KCNMA1: variants seen among roughly 807,000 people sequenced by gnomAD.
KCNMA1 encodes the protein potassium calcium-activated channel subfamily M alpha 1, also known as Calcium-activated potassium channel subunit alpha-1.
Under a neutral mutation model 140.0 loss-of-function variants are expected in KCNMA1, and 29 were observed. That is an observed-to-expected ratio of 0.21 (90% CI 0.15 to 0.28). The LOEUF (loss-of-function observed/expected upper bound fraction) is 0.28, where lower values mean the gene tolerates loss of function less well. Ranked by LOEUF, KCNMA1 falls within the 10% of genes least tolerant of loss-of-function variation. The pLI is 1.00. For synonymous variants in KCNMA1, 612 were observed against 611.9 expected (o/e 1.00, Z 0.00); for missense variants, 880 against 1,602.2 (o/e 0.55, Z 7.70).
intron 1 of KCNMA1, among the ~76,000 whole-genome samples, chr10:77,623,586 C>T (rs1373410831): frequency 6.6e-6 from 1 of 151,700 alleles, no homozygotes; most frequent in African/African-American, 2.4e-5. Context: ...GTCTGTAATC[C>T]CAGTTACGTG....
chr10:77,394,997 T>C (rs1170354944), intron 2 of KCNMA1, among the ~76,000 whole-genome samples: 2 of 152,148 alleles, frequency 1.3e-5, no homozygotes, highest in East Asian at 3.9e-4. Context: ...ACGCTGAAAT[T>C]TGAATTTCAT....
intron 3 of KCNMA1, 130 bp from the exon 4 acceptor site, chr10:77,185,046 T>A (rs1037599065): frequency 1.4e-6 from 1 of 713,714 alleles, no homozygotes; most frequent in Non-Finnish European, 2.6e-6. Context: ...AAACATTTGG[T>A]CTTTCTGCCT....
chr10:76,969,300 G>GGAAGGAAGGAAGGAA (rs2075214269), intron 20 of KCNMA1, among the ~76,000 whole-genome samples: 2 of 109,288 alleles, frequency 1.8e-5, no homozygotes, highest in East Asian at 3.0e-4. Context: ...GAAGGAAGGA[G>GGAAGGAAGGAAGGAA]GGAAGGAAGG....
At chr10:76,883,653 A>C (rs1179869520), downstream of KCNMA1, among the ~76,000 whole-genome samples, 5 of 151,494 alleles carry the variant, frequency 3.3e-5, no homozygotes, top group Non-Finnish European at 7.4e-5. Context: ...CAGATAACAG[A>C]GTTCCTAACT....
At chr10:77,164,344 A>G (rs1404095269) in intron 5 of KCNMA1, among the ~76,000 whole-genome samples, 1 of 152,216 alleles carries the variant, frequency 6.6e-6, no homozygotes, top group African/African-American at 2.4e-5. Flanking sequence ...ACCAGCAGGA[A>G]GAGAGATGAC....
At chr10:77,139,877 C>T (rs1007862017) in intron 5 of KCNMA1, among the ~76,000 whole-genome samples, 1 of 151,918 alleles carries the variant, frequency 6.6e-6, no homozygotes, top group Non-Finnish European at 1.5e-5. Flanking sequence ...AGAAAATGAG[C>T]CACAACTCGC....
chr10:77,592,322 T>G (rs1461480345), intron 1 of KCNMA1, among the ~76,000 whole-genome samples: 1 of 152,058 alleles, frequency 6.6e-6, no homozygotes, highest in Non-Finnish European at 1.5e-5. Context: ...GGTGGGTACA[T>G]GCAATGTGGG....
intron 3 of KCNMA1, among the ~76,000 whole-genome samples, chr10:77,198,405 G>A (rs981112199): frequency 5.9e-5 from 9 of 151,902 alleles, no homozygotes; most frequent in Non-Finnish European, 1.2e-4. Flanking sequence ...AGTTAACCAC[G>A]CTCTCAAGTG....
At chr10:77,257,811 C>T (rs1221091941) in intron 2 of KCNMA1, among the ~76,000 whole-genome samples, 2 of 152,108 alleles carry the variant, frequency 1.3e-5, no homozygotes, top group African/African-American at 4.8e-5. Context: ...TCTTCCCTGC[C>T]AACATGTAAG....
At chr10:77,228,188 C>A (rs1218353948) in intron 3 of KCNMA1, among the ~76,000 whole-genome samples, 1 of 152,274 alleles carries the variant, frequency 6.6e-6, no homozygotes, top group Admixed American at 6.5e-5. Context: ...TGGTTTCGAA[C>A]TCCTGACCTC....
intron 1 of KCNMA1, among the ~76,000 whole-genome samples, chr10:77,469,907 G>A (rs575376264): frequency 2.3e-4 from 35 of 152,166 alleles, no homozygotes; most frequent in Non-Finnish European, 4.0e-4. Flanking sequence ...ATAGCTCCTC[G>A]GTCAGTCTTC....
intron 25 of KCNMA1, among the ~76,000 whole-genome samples, chr10:76,907,580 C>T (rs2152324085): frequency 6.6e-6 from 1 of 152,154 alleles, no homozygotes; most frequent in South Asian, 2.1e-4. Context: ...ATTCTGTCAC[C>T]CAGGCTGGAG....
intron 2 of KCNMA1, among the ~76,000 whole-genome samples, chr10:77,275,747 G>T (rs559111492): frequency 6.6e-6 from 1 of 152,186 alleles, no homozygotes; most frequent in Non-Finnish European, 1.5e-5. Flanking sequence ...CACCATCACT[G>T]CTCAGCAGGA....
chr10:77,557,888 G>A (rs2065103068), intron 1 of KCNMA1, among the ~76,000 whole-genome samples: 1 of 152,108 alleles, frequency 6.6e-6, no homozygotes, highest in Non-Finnish European at 1.5e-5. Context: ...GACCTCAGGT[G>A]ATCTGCCGGC....
chr10:77,520,948 C>T (rs1206616259), intron 1 of KCNMA1, among the ~76,000 whole-genome samples: 2 of 152,238 alleles, frequency 1.3e-5, no homozygotes, highest in Non-Finnish European at 2.9e-5. Context: ...ATTCCAAAGG[C>T]TCAGCTGCAG....
chr10:77,061,809 A>C (rs2131215), intron 14 of KCNMA1, among the ~76,000 whole-genome samples: 97,895 of 152,046 alleles, frequency 0.64, 31,614 homozygotes, highest in Admixed American at 0.68. Context: ...ATAAGATGTC[A>C]TACTATTCAT....
intron 14 of KCNMA1, among the ~76,000 whole-genome samples, chr10:77,043,806 AGAAAGTAGGAAGGTGGCTGCCAGG>A (rs2094877697): frequency 6.6e-6 from 1 of 152,206 alleles, no homozygotes; most frequent in Admixed American, 6.5e-5. Flanking sequence ...GCATAGAAAC[AGAAAGTAGGAAGGTGGCTGCCAGG>A]GGTTGCAGGG....
intron 9 of KCNMA1, among the ~76,000 whole-genome samples, chr10:77,104,546 C>T (rs965077762): frequency 1.3e-5 from 2 of 152,184 alleles, no homozygotes; most frequent in Non-Finnish European, 2.9e-5. Flanking sequence ...TAATCCAAAC[C>T]CATCCCATTC....
intron 22 of KCNMA1, among the ~76,000 whole-genome samples, chr10:76,947,947 G>A (rs569391216): frequency 6.6e-6 from 1 of 152,244 alleles, no homozygotes; most frequent in Non-Finnish European, 1.5e-5. Context: ...TGTAAGTGGG[G>A]GAAAACCCAG....
Sources: allele counts gnomAD v4.1 joint callset (sites outside exome capture counted in the v4.1 genomes callset), GRCh38; gene constraint gnomAD v4.1.1; transcripts MANE v1.5; gene names NCBI Gene and HGNC (gene_info 2026-07-23, HGNC 2026-07-21).